LARGE1: variants seen among roughly 807,000 people sequenced by gnomAD.
The protein encoded by LARGE1 is LARGE xylosyl- and glucuronyltransferase 1.
In LARGE1, 43 loss-of-function variants were observed where a neutral mutation model predicts 87.6. The observed-to-expected ratio is 0.49, with a 90% CI of 0.38 to 0.63. The LOEUF is 0.63. Ranked by LOEUF, LARGE1 falls within the 30% of genes least tolerant of loss-of-function variation. The pLI, the probability that LARGE1 is intolerant of heterozygous loss-of-function variation, is 0.00. For missense variants in LARGE1, 802 were observed against 1,000.2 expected (o/e 0.80, Z 2.67); for synonymous variants, 434 against 394.6 (o/e 1.10, Z -1.18).
At chr22:33,365,292 T>G (rs186567027) in intron 9 of LARGE1, among the ~76,000 whole-genome samples, 1 of 152,130 alleles carries the variant, frequency 6.6e-6, no homozygotes, top group East Asian at 1.9e-4. Context: ...TTTTTCAATA[T>G]AGTGCCAAAG....
chr22:33,534,898 G>C (rs2076997347), intron 6 of LARGE1, among the ~76,000 whole-genome samples: 1 of 152,226 alleles, frequency 6.6e-6, no homozygotes, highest in South Asian at 2.1e-4. Flanking sequence ...CTGAAATGCA[G>C]AGTCCCATCC....
At chr22:33,391,536 T>C (rs1569121836) in intron 7 of LARGE1, among the ~76,000 whole-genome samples, 1 of 152,090 alleles carries the variant, frequency 6.6e-6, no homozygotes, top group South Asian at 2.1e-4. Context: ...CCAGACAGGC[T>C]TCTCTCTCTA....
chr22:33,274,395 C>A lies in LARGE1; in HGVS notation c.*32G>T, dbSNP rs1458162404. 10 of 1,608,472 alleles carry A rather than the reference C, an allele frequency of 6.2e-6. No individual in the cohort carries two copies. Among genetic ancestry groups the A allele is most frequent in the Non-Finnish European group, 1.7e-6 (2 of 1,174,908 alleles). The stretch of plus-strand genomic sequence containing the variant: ...ACAGCGAGTGGCACTTCCCCTACAG[C>A]ATGTCTCCCCCTAGTGGTGGGCTTC... On this transcript the variant is annotated 3_prime_UTR_variant, in exon 15 of 15. Transcript: ENST00000397394.
At chr22:33,678,931 C>T (rs945939775) in intron 2 of LARGE1, among the ~76,000 whole-genome samples, 8 of 152,152 alleles carry the variant, frequency 5.3e-5, no homozygotes, top group Non-Finnish European at 1.0e-4. Flanking sequence ...ATTAGGACAG[C>T]GATGCTTAAC....
rs576953239 is a variant in LARGE1 at position 33,450,131 on chromosome 22, C to T, written c.788-17866G>A. Among the ~76,000 whole-genome samples the T allele has an allele frequency of 4.7e-3, 707 of 151,762 alleles. 2 individuals are homozygous for T. The highest frequency in any genetic ancestry group is 6.9e-3 in the Non-Finnish European group (472 of 67,930). On this transcript the variant is annotated intron_variant, in intron 6 of 14. Transcript: ENST00000397394. ...TTTGCCATGTTGGCCAGGCTGGTCT[C>T]GAACTCCTGATCTCAAGTGATCCAT...
chr22:33,784,909 ATG>A (rs71816185), intron 1 of LARGE1, among the ~76,000 whole-genome samples: 13,213 of 147,296 alleles, frequency 0.09, 1,900 homozygotes, highest in African/African-American at 0.3. Context: ...TGTATATTAT[ATG>A]TGTGTGTATA....
chr22:33,787,038 G>T (rs978298832), intron 1 of LARGE1, among the ~76,000 whole-genome samples: 79 of 148,128 alleles, frequency 5.3e-4, no homozygotes, highest in African/African-American at 1.9e-3. Context: ...AAAAAAAAAA[G>T]AAAGAAAAAG....
At chr22:33,137,550 G>C in the LARGE1 span, among the ~76,000 whole-genome samples, 1 of 152,186 alleles carries the variant, frequency 6.6e-6, no homozygotes, top group Non-Finnish European at 1.5e-5. Flanking sequence ...ATGTAATGAG[G>C]AGCTGAATGT....
At chr22:33,199,214 T>C (rs76576988) in intron 11 of LARGE1, among the ~76,000 whole-genome samples, 107 of 151,420 alleles carry the variant, frequency 7.1e-4, no homozygotes, top group East Asian at 3.3e-3. Flanking sequence ...GGTTTTTTTT[T>C]TTCTTATGGA....
chr22:33,374,573 A>C (rs1249659773), intron 9 of LARGE1, among the ~76,000 whole-genome samples: 1 of 152,190 alleles, frequency 6.6e-6, no homozygotes, highest in Admixed American at 6.5e-5. Flanking sequence ...CAAAATTCTA[A>C]CTTAAGTTTT....
At chr22:33,920,508 G>C (rs1298327670), upstream of LARGE1, 2 of 145,718 alleles carry the variant, frequency 1.4e-5, no homozygotes, top group South Asian at 4.2e-4. Flanking sequence ...CGGCGGCGCG[G>C]GGGGGGCTGC....
chr22:33,614,443 C>T (rs1053812545), intron 4 of LARGE1, among the ~76,000 whole-genome samples: 1 of 152,168 alleles, frequency 6.6e-6, no homozygotes, highest in African/African-American at 2.4e-5. Flanking sequence ...CACACAGCCC[C>T]TTGCTCACTG....
At chr22:33,522,520 G>A (rs1264041893) in intron 6 of LARGE1, among the ~76,000 whole-genome samples, 3 of 152,040 alleles carry the variant, frequency 2.0e-5, no homozygotes, top group Admixed American at 6.6e-5. Flanking sequence ...GCAACATAGG[G>A]AGACTTTGTC....
intron 4 of LARGE1, among the ~76,000 whole-genome samples, chr22:33,608,886 T>C (rs531015712): frequency 1.9e-4 from 29 of 152,344 alleles, no homozygotes; most frequent in African/African-American, 5.8e-4. Context: ...AGGAATATTA[T>C]ACTGGATAAT....
chr22:33,650,799 A>C (rs1240869103), intron 2 of LARGE1, 131 bp from the exon 3 acceptor site: 1 of 997,430 alleles, frequency 1.0e-6, no homozygotes, highest in African/African-American at 1.6e-5. Flanking sequence ...AAACAGATGG[A>C]AAGTGAGTTA....
At chr22:33,709,289 A>C (rs74640238) in intron 2 of LARGE1, among the ~76,000 whole-genome samples, 1 of 152,068 alleles carries the variant, frequency 6.6e-6, no homozygotes, top group African/African-American at 2.4e-5. Context: ...GACCCTGAAA[A>C]CACGATCCCA....
At chr22:33,280,329 A>G (rs1930190502) in intron 13 of LARGE1, among the ~76,000 whole-genome samples, 2 of 152,042 alleles carry the variant, frequency 1.3e-5, no homozygotes, top group South Asian at 4.2e-4. Flanking sequence ...AAAAAAAAAA[A>G]AAAAAAAGAG....
intron 2 of LARGE1, among the ~76,000 whole-genome samples, chr22:33,726,472 T>A (rs993788516): frequency 6.6e-6 from 1 of 152,182 alleles, no homozygotes. Context: ...ATTAGCATTA[T>A]ATAAATACTC....
In LARGE1 at chr22:33,228,761, TG is replaced by T. The variant is rs752715748; in HGVS notation, c.1731-61930del. Among the ~76,000 whole-genome samples the T allele has an allele frequency of 1.1e-4, 16 of 152,320 alleles. No homozygotes were observed. In the East Asian group the frequency reaches 1.7e-3, roughly 17 times the overall value. ...TGTTAAGTAAGAGACAATGTTGCAC[TG>T]ATTCACAGGGGTCTTATCAATCAGT... On this transcript the variant is annotated intron_variant, in intron 11 of 11. Transcript: ENST00000608642.
Sources: gnomAD v4.1 joint callset for allele counts (sites outside exome capture counted in the v4.1 genomes callset) on GRCh38, gnomAD v4.1.1 for gene constraint, MANE v1.5 for transcripts, NCBI Gene and HGNC (gene_info 2026-07-23, HGNC 2026-07-21) for gene names.